The following MAP4 variants were observed in gnomAD, a reference collection of about 807,000 sequenced individuals.
MAP4 encodes microtubule-associated protein 4.
In MAP4, 76 loss-of-function variants were observed where a neutral mutation model predicts 170.2. That is an observed-to-expected ratio of 0.45 (90% CI 0.37 to 0.54). MAP4 has a LOEUF of 0.54. Among genes scored for constraint, MAP4 ranks in the 20% least tolerant of loss-of-function variants. The pLI, the probability that MAP4 is intolerant of heterozygous loss-of-function variation, is 0.00. For missense variants in MAP4, 2,506 were observed against 2,748.0 expected (o/e 0.91, Z 1.97); for synonymous variants, 909 against 994.5 (o/e 0.91, Z 1.62).
chr3:47,924,185 C>T (rs2100044545), intron 4 of MAP4, among the ~76,000 whole-genome samples: 1 of 152,134 alleles, frequency 6.6e-6, no homozygotes, highest in African/African-American at 2.4e-5. Context: ...TATATATGTT[C>T]CCACAGGATA....
chr3:47,964,411 T>G (rs1200105288), intron 3 of MAP4, among the ~76,000 whole-genome samples: 1 of 152,164 alleles, frequency 6.6e-6, no homozygotes, highest in African/African-American at 2.4e-5. Context: ...CAGAAGAGGA[T>G]AGGGAAACCA....
intron 1 of MAP4, among the ~76,000 whole-genome samples, chr3:48,011,009 T>A (rs1305184153): frequency 1.3e-5 from 2 of 152,140 alleles, no homozygotes; most frequent in African/African-American, 4.8e-5. Flanking sequence ...TCCTATTAGT[T>A]CTGTCCCTCT....
chr3:48,052,647 A>C (rs1363149933), intron 1 of MAP4, among the ~76,000 whole-genome samples: 1 of 152,194 alleles, frequency 6.6e-6, no homozygotes, highest in Non-Finnish European at 1.5e-5. Context: ...ATCTCAATAG[A>C]GCTATTCTTT....
chr3:48,050,480 A>G (rs1579567399), intron 1 of MAP4, among the ~76,000 whole-genome samples: 3 of 152,152 alleles, frequency 2.0e-5, no homozygotes, highest in South Asian at 2.1e-4. Context: ...AGCCTCTTTC[A>G]TCTAAAAAGA....
rs1338708580 is a variant in MAP4 at position 48,057,630 on chromosome 3, TAAAAAAGAA to T, written c.-20+31134_-20+31142del. ...ATAAAAAAATAAATAAATAAATAAA[TAAAAAAGAA>T]AAAAAAGAAAAAAAAAAAAAAGTAA... On this transcript the variant is annotated intron_variant, in intron 1 of 18. Transcript: ENST00000360240. Among the ~76,000 whole-genome samples, 189 of 105,476 alleles carry T rather than the reference TAAAAAAGAA, an allele frequency of 1.8e-3. 1 individual carries two copies. Among genetic ancestry groups the T allele is most frequent in the African/African-American group, 6.3e-3 (173 of 27,494 alleles). The allele number at this position is 105,476 out of a possible 152,430, so 69.2% of individuals were successfully genotyped here. A position where few individuals can be genotyped will look rare whatever the true frequency, so the allele number is the denominator to read the frequency against.
intron 1 of MAP4, among the ~76,000 whole-genome samples, chr3:48,001,374 TA>T (rs1400772001): frequency 6.6e-6 from 1 of 152,186 alleles, no homozygotes; most frequent in African/African-American, 2.4e-5. Flanking sequence ...AAATAAAATC[TA>T]AAAATTTCAA....
chr3:47,865,554 T>C (rs754022879), intron 17 of MAP4, among the ~76,000 whole-genome samples: 1 of 152,302 alleles, frequency 6.6e-6, no homozygotes, highest in East Asian at 1.9e-4. Context: ...CATGGCCGCA[T>C]TCCTCATGAT....
chr3:48,082,795 C>G (rs1040521892), intron 1 of MAP4, among the ~76,000 whole-genome samples: 1 of 126,624 alleles, frequency 7.9e-6, no homozygotes, highest in Non-Finnish European at 1.6e-5. Flanking sequence ...AAGACTTTGT[C>G]TCAAAAAAAA....
rs988964330 is a variant in MAP4, at chr3:47,854,024, T to C, written c.6697-672A>G. ...AGAGAGAACAGCTGCGAGAGGCCAC[T>C]GGGGAGCTGGAAAGCGTGTGTCGCC... On this transcript the variant is annotated intron_variant, in intron 19 of 20. Transcript: ENST00000683076. 7.9e-5 allele frequency among the ~76,000 whole-genome samples: 12 copies of C among 152,294 alleles called. No homozygotes were observed. In the East Asian group the frequency reaches 2.3e-3, roughly 29 times the overall value.
At chr3:47,971,551 C>A (rs1448627374) in intron 3 of MAP4, among the ~76,000 whole-genome samples, 1 of 152,178 alleles carries the variant, frequency 6.6e-6, no homozygotes, top group African/African-American at 2.4e-5. Context: ...TTTACCTACT[C>A]TAATTACGAT....
chr3:47,909,123 T>G lies in MAP4; in HGVS notation c.5298A>C (p.Arg1766Ser). 2.5e-6 allele frequency: 4 copies of G among 1,613,956 alleles called. No homozygotes were observed. The highest frequency in any genetic ancestry group is 3.4e-6 in the Non-Finnish European group (4 of 1,179,860). ...RMAEPMKGYM[R>S]PTKSRGLTPL... ...GAGTAAGTCCTCGGGACTTGGTGGG[T>G]CTCATGTAGCCTTTCATTGGTTCTG... The change falls in exon 9 of 21, where the codon AGA becomes AGC. Residue 1766 changes from arginine to serine, a missense_variant. By Grantham distance (110) the Arg-to-Ser change is moderately radical. This residue lies in a region of MAP4 where 2,008 missense variants were observed against 2,206.0 expected (regional missense o/e 0.91). Coordinates refer to ENST00000683076, the MANE Select transcript of MAP4 (RefSeq NM_001385682.1).
At chr3:48,086,152 T>TCACA (rs373452472) in intron 1 of MAP4, among the ~76,000 whole-genome samples, 10 of 148,386 alleles carry the variant, frequency 6.7e-5, no homozygotes, top group African/African-American at 1.2e-4. Context: ...ATACACACAC[T>TCACA]CACACACACA....
At chr3:47,867,380 G>T in intron 16 of MAP4, 42 bp from the exon 17 acceptor site, 1 of 1,353,008 alleles carries the variant, frequency 7.4e-7, no homozygotes, top group Non-Finnish European at 1.1e-6. Flanking sequence ...AAAGGGAGAG[G>T]ACTGGTTAGA....
intron 5 of MAP4, among the ~76,000 whole-genome samples, chr3:47,920,234 G>A (rs1219207828): frequency 6.6e-6 from 1 of 152,196 alleles, no homozygotes; most frequent in Non-Finnish European, 1.5e-5. Context: ...GTCTCCCAAA[G>A]TGCTGGGATT....
In MAP4 at chr3:47,998,817, G is replaced by A. The variant is rs1388032337; in HGVS notation, c.44C>T (p.Pro15Leu). 8 of 1,614,056 alleles carry A rather than the reference G, an allele frequency of 5.0e-6. No individual in the cohort carries two copies. The highest frequency in any genetic ancestry group is 6.8e-6 in the Non-Finnish European group (8 of 1,180,026). ...CCGCTTTATCTCTCCCTCAATGTCTGGAGATGGTTCTGTTAATGCATCTGC... is the reference window on the plus strand; with the variant it reads ...CCGCTTTATCTCTCCCTCAATGTCTAGAGATGGTTCTGTTAATGCATCTGC... Reference protein sequence around the residue: ...SLADALTEPSPDIEGEIKRDF... With the variant: ...SLADALTEPSLDIEGEIKRDF... Residue 15 changes from proline (P) to leucine (L), a missense_variant, in exon 2 of 21, where the codon CCA becomes CTA. By Grantham distance (98) the Pro-to-Leu change is moderately conservative. This residue lies in a region of MAP4 where 2,008 missense variants were observed against 2,206.0 expected (regional missense o/e 0.91). Coordinates refer to ENST00000683076, the MANE Select transcript of MAP4 (RefSeq NM_001385682.1).
chr3:47,917,741 A>C (rs1319116181), intron 6 of MAP4, among the ~76,000 whole-genome samples: 1 of 152,184 alleles, frequency 6.6e-6, no homozygotes, highest in Non-Finnish European at 1.5e-5. Flanking sequence ...CATAGGCTTC[A>C]AAAATAACAC....
intron 10 of MAP4, among the ~76,000 whole-genome samples, chr3:47,880,685 C>T (rs530151767): frequency 6.6e-6 from 1 of 152,198 alleles, no homozygotes; most frequent in African/African-American, 2.4e-5. Flanking sequence ...GTGGCCCAAA[C>T]TGACCGGTCT....
At chr3:47,879,862 A>G (rs937174812) in intron 10 of MAP4, among the ~76,000 whole-genome samples, 1 of 152,200 alleles carries the variant, frequency 6.6e-6, no homozygotes, top group South Asian at 2.1e-4. Context: ...CTTCCAGTAC[A>G]CTATATTTAA....
intron 3 of MAP4, among the ~76,000 whole-genome samples, chr3:47,968,819 A>T (rs576526593): frequency 1.3e-5 from 2 of 152,246 alleles, no homozygotes; most frequent in South Asian, 4.1e-4. Flanking sequence ...CTTTCAAAAG[A>T]TGAAAAAAAT....
Sources: gnomAD v4.1 joint callset for allele counts (sites outside exome capture counted in the v4.1 genomes callset) on GRCh38, gnomAD v4.1.1 for gene constraint, gnomAD v4.1.1 regional missense constraint, MANE v1.5 for transcripts, NCBI Gene and HGNC (gene_info 2026-07-23, HGNC 2026-07-21) for gene names.